The following RAB9B variants were observed in gnomAD, a reference collection of about 807,000 sequenced individuals.
RAB9B encodes the protein ras-related protein Rab-9B.
Under a neutral mutation model 8.9 loss-of-function variants are expected in RAB9B, and 1 was observed. The observed-to-expected ratio is 0.11, with a 90% CI of 0.04 to 0.53. RAB9B has a LOEUF of 0.53. Among genes scored for constraint, RAB9B ranks in the 20% least tolerant of loss-of-function variants. RAB9B has a pLI of 0.93. For synonymous variants in RAB9B, 63 were observed against 57.0 expected (o/e 1.10, Z -0.47); for missense variants, 82 against 152.9 (o/e 0.54, Z 2.45).
the RAB9B span, among the ~76,000 whole-genome samples, chrX:103,798,489 A>G: frequency 1.8e-5 from 2 of 111,761 alleles, no homozygotes; most frequent in African/African-American, 6.5e-5. Context: ...ACAAAGATTC[A>G]TAGATGTAAA....
the RAB9B span, among the ~76,000 whole-genome samples, chrX:103,804,845 T>C: frequency 9.0e-6 from 1 of 111,703 alleles, no homozygotes; most frequent in Non-Finnish European, 1.9e-5. Context: ...TATGACTGAT[T>C]TTTGTGTGTT....
the RAB9B span, chrX:103,776,624 C>T: frequency 4.5e-6 from 1 of 221,095 alleles, no homozygotes. Flanking sequence ...TTCCAGATGT[C>T]TCTGCAGCAA....
the RAB9B span, chrX:103,789,098 G>A: frequency 4.7e-6 from 2 of 426,566 alleles, no homozygotes; most frequent in South Asian, 7.2e-5. Flanking sequence ...TAATTATTTT[G>A]GAGTACTGTA....
chrX:103,825,506 C>G lies in RAB9B; in HGVS notation c.279G>C (p.Gln93His), dbSNP rs2074680238. Residue 93 changes from glutamine to histidine, a missense_variant, in exon 3 of 3, where the codon CAG becomes CAC. By Grantham distance (24) the Gln-to-His change is conservative. Coordinates refer to ENST00000243298, the MANE Select transcript of RAB9B (RefSeq NM_016370.4). Reference sequence around the variant, plus strand: ...GCCAGTTACCAAGATTCTCGAAGCTCTGCCGATCATCCACGCTGAAGGTCA... The same window carrying G: ...GCCAGTTACCAAGATTCTCGAAGCTGTGCCGATCATCCACGCTGAAGGTCA... ...CLLTFSVDDR[Q>H]SFENLGNWQK... 1.7e-6 allele frequency: 2 copies of G among 1,209,812 alleles called. No individual in the cohort carries two copies. Among genetic ancestry groups the G allele is most frequent in the African/African-American group, 1.8e-5 (1 of 57,073 alleles).
chrX:103,790,061 C>A, the RAB9B span, among the ~76,000 whole-genome samples: 2 of 111,963 alleles, frequency 1.8e-5, no homozygotes, highest in African/African-American at 6.5e-5. Context: ...GAACTCCTGG[C>A]CCCTACTGCT....
At chrX:103,828,506 T>C (rs1406760190) in intron 1 of RAB9B, among the ~76,000 whole-genome samples, 1 of 111,926 alleles carries the variant, frequency 8.9e-6, no homozygotes, top group Non-Finnish European at 1.9e-5. Context: ...GAACTCTCAT[T>C]TTGAAAAGCA....
At chrX:103,789,306 A>G in the RAB9B span, 1 of 1,127,149 alleles carries the variant, frequency 8.9e-7, no homozygotes, top group Non-Finnish European at 1.2e-6. Flanking sequence ...TGCAAGAAAC[A>G]GTTCTTCCTC....
the RAB9B span, chrX:103,792,240 G>T: frequency 8.9e-6 from 1 of 112,061 alleles, no homozygotes; most frequent in South Asian, 3.7e-4. Context: ...TTAAGGAGAT[G>T]TAAGAGCTTT....
the RAB9B span, among the ~76,000 whole-genome samples, chrX:103,777,824 A>G: frequency 2.0e-4 from 22 of 112,708 alleles, no homozygotes; most frequent in East Asian, 3.1e-3. Flanking sequence ...CTTTGTCCCT[A>G]TTGGACTCCA....
chrX:103,789,241 T>A, the RAB9B span: 2 of 689,912 alleles, frequency 2.9e-6, no homozygotes, highest in African/African-American at 4.2e-5. Context: ...AAGAAAGATA[T>A]CAACACATTC....
chrX:103,820,736 G>A (rs2074655990), downstream of RAB9B, among the ~76,000 whole-genome samples: 1 of 110,614 alleles, frequency 9.0e-6, no homozygotes, highest in African/African-American at 3.3e-5. Context: ...GATCACTTGA[G>A]GCCAGGAGTT....
Position 103,825,429 on chromosome X carries a change from A to C in RAB9B, c.356T>G (p.Phe119Cys). Residue 119 changes from phenylalanine (F) to cysteine (C), a missense_variant, in exon 3 of 3, where the codon TTT becomes TGT. Physicochemically the swap from Phe to Cys is radical, Grantham distance 205. Coordinates refer to ENST00000243298, the MANE Select transcript of RAB9B (RefSeq NM_016370.4). ...GTCTACCTTGTTACCCAGAACTACA[A>C]AGGGGAAATGCTCAGGGTCCTTCAC... ...ADVKDPEHFPFVVLGNKVDKE... is the reference protein window; with the variant it reads ...ADVKDPEHFPCVVLGNKVDKE... 1 of 1,211,939 alleles carries C rather than the reference A, an allele frequency of 8.3e-7. No individual in the cohort carries two copies. The highest frequency in any genetic ancestry group is 1.1e-6 in the Non-Finnish European group (1 of 895,579).
chrX:103,789,734 T>G, the RAB9B span, among the ~76,000 whole-genome samples: 1 of 112,048 alleles, frequency 8.9e-6, no homozygotes, highest in Admixed American at 9.5e-5. Context: ...TTTGATCAGA[T>G]CAGTGACAAA....
At chrX:103,802,622 C>G in the RAB9B span, among the ~76,000 whole-genome samples, 2 of 112,013 alleles carry the variant, frequency 1.8e-5, no homozygotes, top group Admixed American at 9.4e-5. Flanking sequence ...ATATCACCAG[C>G]TATCAGTGTA....
chrX:103,799,188 T>TTA, the RAB9B span, among the ~76,000 whole-genome samples: 15,069 of 107,533 alleles, frequency 0.14, 836 homozygotes, highest in Middle Eastern at 0.3. Context: ...CTGCTCAAAT[T>TTA]TATATATATA....
At chrX:103,793,995 C>A in the RAB9B span, among the ~76,000 whole-genome samples, 2 of 112,215 alleles carry the variant, frequency 1.8e-5, no homozygotes, top group African/African-American at 6.5e-5. Flanking sequence ...TTCCTTAATT[C>A]GTTCTGTGAA....
At chrX:103,776,749 T>A in the RAB9B span, 1 of 331,149 alleles carries the variant, frequency 3.0e-6, no homozygotes, top group Non-Finnish European at 5.0e-6. Flanking sequence ...TATCCCTGAG[T>A]AGGTGGGGAA....
At chrX:103,809,595 C>T in the RAB9B span, among the ~76,000 whole-genome samples, 1 of 112,003 alleles carries the variant, frequency 8.9e-6, no homozygotes, top group African/African-American at 3.2e-5. Context: ...CCACCATGCT[C>T]GGCTTAATTT....
intron 1 of RAB9B, among the ~76,000 whole-genome samples, 169 bp from the exon 2 acceptor site, chrX:103,827,247 C>CT (rs1235635652): frequency 9.0e-6 from 1 of 110,913 alleles, no homozygotes; most frequent in Non-Finnish European, 1.9e-5. Context: ...GCTACCTATG[C>CT]TTAACATAAG....
Sources: allele counts gnomAD v4.1 joint callset (sites outside exome capture counted in the v4.1 genomes callset), GRCh38; gene constraint gnomAD v4.1.1; transcripts MANE v1.5; gene names NCBI Gene and HGNC (gene_info 2026-07-23, HGNC 2026-07-21).